GRIK2: variants seen among roughly 807,000 people sequenced by gnomAD.
GRIK2 encodes the protein glutamate receptor ionotropic, kainate 2.
Under a neutral mutation model 100.3 loss-of-function variants are expected in GRIK2, and 32 were observed. The ratio of observed to expected loss-of-function variants is 0.32; its 90% CI spans 0.24 to 0.43. The LOEUF (loss-of-function observed/expected upper bound fraction) is 0.43. Among genes scored for constraint, GRIK2 ranks in the 20% least tolerant of loss-of-function variants. The pLI is 1.00. For missense variants in GRIK2, 843 were observed against 1,114.9 expected (o/e 0.76, Z 3.47); for synonymous variants, 417 against 389.4 (o/e 1.07, Z -0.83).
intron 7 of GRIK2, among the ~76,000 whole-genome samples, chr6:101,717,782 C>T (rs910740435): frequency 2.6e-5 from 4 of 151,848 alleles, no homozygotes; most frequent in African/African-American, 9.6e-5. Context: ...CTGAGATTCA[C>T]AATAATATAT....
intron 5 of GRIK2, among the ~76,000 whole-genome samples, chr6:101,679,813 C>A (rs1312263353): frequency 3.3e-5 from 5 of 152,068 alleles, no homozygotes; most frequent in African/African-American, 1.2e-4. Flanking sequence ...GATCTCGGCT[C>A]ACTGCAACCT....
chr6:101,768,905 C>A (rs1352563849), intron 7 of GRIK2, among the ~76,000 whole-genome samples: 4 of 152,018 alleles, frequency 2.6e-5, no homozygotes, highest in Non-Finnish European at 4.4e-5. Flanking sequence ...TAGAAAGTAA[C>A]CTTGTGGCTA....
intron 9 of GRIK2, among the ~76,000 whole-genome samples, chr6:101,814,689 T>G (rs1781529932): frequency 6.6e-6 from 1 of 152,118 alleles, no homozygotes; most frequent in South Asian, 2.1e-4. Flanking sequence ...TCATTCTAAT[T>G]CTAGAAATCT....
chr6:101,992,038 T>C (rs1430731409), intron 14 of GRIK2, among the ~76,000 whole-genome samples: 1 of 151,630 alleles, frequency 6.6e-6, no homozygotes, highest in Non-Finnish European at 1.5e-5. Flanking sequence ...TGCCATTTAG[T>C]GTTGGATTGC....
chr6:101,928,271 G>T (rs1582554426), intron 13 of GRIK2, 144 bp from the exon 14 acceptor site: 1 of 612,042 alleles, frequency 1.6e-6, no homozygotes, highest in East Asian at 2.7e-5. Context: ...CCCAATGGTT[G>T]TTGCTTGCTT....
intron 7 of GRIK2, among the ~76,000 whole-genome samples, chr6:101,698,447 T>C (rs1360636759): frequency 1.3e-5 from 2 of 152,114 alleles, no homozygotes; most frequent in Non-Finnish European, 2.9e-5. Flanking sequence ...GGAAATATTA[T>C]GTTGATCTTT....
At chr6:101,826,424 C>T (rs1190517761) in intron 10 of GRIK2, among the ~76,000 whole-genome samples, 2 of 151,914 alleles carry the variant, frequency 1.3e-5, no homozygotes, top group African/African-American at 4.8e-5. Context: ...ATAGCACTGC[C>T]ACAGCGTGTG....
At chr6:101,548,527 C>G (rs1000091582) in intron 2 of GRIK2, among the ~76,000 whole-genome samples, 4 of 152,114 alleles carry the variant, frequency 2.6e-5, no homozygotes, top group Admixed American at 2.0e-4. Context: ...CCAGTTTCAG[C>G]TTTCTACATA....
At chr6:101,875,973 C>G (rs1349623263) in intron 11 of GRIK2, among the ~76,000 whole-genome samples, 1 of 150,780 alleles carries the variant, frequency 6.6e-6, no homozygotes, top group Non-Finnish European at 1.5e-5. Context: ...GTCCTGTTTT[C>G]TTCTAGAATT....
At chr6:101,983,539 G>A (rs865932281) in intron 14 of GRIK2, among the ~76,000 whole-genome samples, 1 of 151,682 alleles carries the variant, frequency 6.6e-6, no homozygotes. Flanking sequence ...ATGTCCTCAT[G>A]TTTTATTGAA....
At chr6:101,785,382 A>G (rs1214837542) in intron 7 of GRIK2, among the ~76,000 whole-genome samples, 1 of 152,102 alleles carries the variant, frequency 6.6e-6, no homozygotes, top group Non-Finnish European at 1.5e-5. Flanking sequence ...TTAGCCATAG[A>G]GTATTTGCCT....
intron 14 of GRIK2, among the ~76,000 whole-genome samples, chr6:101,937,781 G>A (rs1457434401): frequency 6.6e-6 from 1 of 151,740 alleles, no homozygotes; most frequent in Non-Finnish European, 1.5e-5. Context: ...TGGGGGTGGG[G>A]GGTGTTGCTG....
At chr6:101,923,975 T>C (rs541461082) in intron 12 of GRIK2, among the ~76,000 whole-genome samples, 1 of 150,972 alleles carries the variant, frequency 6.6e-6, no homozygotes, top group Admixed American at 6.6e-5. Flanking sequence ...TTTGATATCA[T>C]GCTGATTGGC....
At chr6:101,783,369 C>T (rs966584326) in intron 7 of GRIK2, among the ~76,000 whole-genome samples, 1 of 152,084 alleles carries the variant, frequency 6.6e-6, no homozygotes, top group Non-Finnish European at 1.5e-5. Context: ...TTCCCCTTTG[C>T]CTTCTGCCAT....
intron 14 of GRIK2, among the ~76,000 whole-genome samples, chr6:102,031,576 G>T (rs779077754): frequency 1.9e-4 from 29 of 151,166 alleles, no homozygotes; most frequent in Non-Finnish European, 3.1e-4. Context: ...CACCTAGGTA[G>T]TGAGCATAGT....
Position 101,790,858 on chromosome 6 carries a change from G to A in GRIK2, c.952-8790G>A, listed in dbSNP as rs574085075. On this transcript the variant is annotated intron_variant, in intron 7 of 16. Coordinates refer to ENST00000369134, the MANE Select transcript of GRIK2 (RefSeq NM_021956.5). The stretch of plus-strand genomic sequence containing the variant: ...GTCCTGGACTCTTTTTGGTTGGTAA[G>A]CTATTGATTATTGCCACAATTTCAG... Among the ~76,000 whole-genome samples the A allele has an allele frequency of 4.6e-5, 7 of 151,480 alleles. No individual in the cohort carries two copies. In the East Asian group the frequency reaches 9.7e-4, roughly 21 times the overall value.
chr6:101,997,827 TTTC>T (rs1794729851), intron 14 of GRIK2, among the ~76,000 whole-genome samples: 1 of 152,086 alleles, frequency 6.6e-6, no homozygotes, highest in African/African-American at 2.4e-5. Flanking sequence ...ATTCCTCTTT[TTTC>T]TTCTTTTTCA....
At chr6:101,637,409 G>T (rs999370806) in intron 4 of GRIK2, among the ~76,000 whole-genome samples, 1 of 151,942 alleles carries the variant, frequency 6.6e-6, no homozygotes, top group African/African-American at 2.4e-5. Flanking sequence ...TCTTTATTGG[G>T]TTGCCCACAT....
In GRIK2 at chr6:101,602,365, A is replaced by T. The variant is rs111270375; in HGVS notation, c.116-19584A>T. On this transcript the variant is annotated intron_variant, in intron 2 of 16. Transcript: ENST00000369134. ...TGACCAAGCATGTGTTTGGTCTTAG[A>T]GTATGTTCTGCACTTTCATTGTATA... Among the ~76,000 whole-genome samples, 282 of 151,528 alleles carry T rather than the reference A, an allele frequency of 1.9e-3. 2 individuals carry two copies. Among genetic ancestry groups the T allele is most frequent in the African/African-American group, 6.5e-3 (269 of 41,432 alleles).
Sources: allele counts gnomAD v4.1 joint callset (sites outside exome capture counted in the v4.1 genomes callset), GRCh38; gene constraint gnomAD v4.1.1; transcripts MANE v1.5; gene names NCBI Gene and HGNC (gene_info 2026-07-23, HGNC 2026-07-21).